The following DLGAP1 variants were observed in gnomAD, a reference collection of about 807,000 sequenced individuals.
The protein encoded by DLGAP1 is DLG associated protein 1, also known as disks large-associated protein 1.
Under a neutral mutation model 90.8 loss-of-function variants are expected in DLGAP1, and 11 were observed. That is an observed-to-expected ratio of 0.12 (90% CI 0.08 to 0.20). The LOEUF is 0.20. DLGAP1 is among the 10% of genes least tolerant of loss of function. DLGAP1 has a pLI of 1.00. For synonymous variants in DLGAP1, 558 were observed against 540.7 expected (o/e 1.03, Z -0.44); for missense variants, 1,050 against 1,333.8 (o/e 0.79, Z 3.31).
intron 4 of DLGAP1, among the ~76,000 whole-genome samples, chr18:3,834,602 G>A (rs2068264335): frequency 6.6e-6 from 1 of 152,110 alleles, no homozygotes; most frequent in African/African-American, 2.4e-5. Flanking sequence ...GTACATAGGT[G>A]AATGTGTACG....
At chr18:4,296,496 T>C (rs1193744770) in intron 1 of DLGAP1, among the ~76,000 whole-genome samples, 1 of 152,234 alleles carries the variant, frequency 6.6e-6, no homozygotes, top group African/African-American at 2.4e-5. Context: ...CCTGTATAAT[T>C]TGTTGAATTT....
chr18:3,705,878 C>A (rs9960638), intron 7 of DLGAP1, among the ~76,000 whole-genome samples: 1 of 150,200 alleles, frequency 6.7e-6, no homozygotes, highest in African/African-American at 2.5e-5. Flanking sequence ...AGGCTGGTCT[C>A]GAACTCCTGG....
intron 1 of DLGAP1, among the ~76,000 whole-genome samples, chr18:4,320,584 T>G (rs1169919379): frequency 6.6e-6 from 1 of 151,936 alleles, no homozygotes; most frequent in Admixed American, 6.6e-5. Flanking sequence ...TGTGCCTGAG[T>G]CCCCTCATTC....
intron 2 of DLGAP1, among the ~76,000 whole-genome samples, chr18:4,149,689 C>T (rs2076642043): frequency 6.6e-6 from 1 of 152,224 alleles, no homozygotes; most frequent in Non-Finnish European, 1.5e-5. Context: ...GGAGCATGAT[C>T]CCTGTTGTGA....
In DLGAP1 at chr18:3,569,388, AT is replaced by A. The variant is rs142577421; in HGVS notation, c.1966-1808del. Among the ~76,000 whole-genome samples, 64 of 151,738 alleles carry A rather than the reference AT, an allele frequency of 4.2e-4. 3 individuals carry two copies. In the East Asian group the frequency reaches 0.012, roughly 29 times the overall value. On this transcript the variant is annotated intron_variant, in intron 8 of 12. Coordinates refer to ENST00000315677, the MANE Select transcript of DLGAP1 (RefSeq NM_004746.4). ...CTCCTCCCTAATTAGGCTGTTTTTTATTTTCTTAATCATAGGATCTCTTTAT... is the reference window on the plus strand; with the variant it reads ...CTCCTCCCTAATTAGGCTGTTTTTTATTTCTTAATCATAGGATCTCTTTAT...
intron 1 of DLGAP1, among the ~76,000 whole-genome samples, chr18:4,181,673 C>T (rs2077209954): frequency 6.6e-6 from 1 of 151,982 alleles, no homozygotes; most frequent in Admixed American, 6.6e-5. Context: ...CTTTATTGTT[C>T]CTTTAAGTGT....
In DLGAP1 at chr18:3,660,801, C is replaced by T. The variant is rs9952159; in HGVS notation, c.1591+68334G>A. Among the ~76,000 whole-genome samples the T allele has an allele frequency of 0.25, 37,337 of 152,068 alleles. 4,755 individuals are homozygous for T. The highest frequency in any genetic ancestry group is 0.3 in the African/African-American group (12,532 of 41,476). ...TATTGGCTACTTGGAGACAAAATTA[C>T]GCCCTAAATGGACTTCAAGAAATAT... On this transcript the variant is annotated intron_variant, in intron 7 of 12. Transcript: ENST00000315677. This position sits in a 1 kb window ranked among gnomAD's most constrained non-coding sequence, Gnocchi z 4.2.
chr18:4,285,967 G>A (rs2079679546), intron 1 of DLGAP1, among the ~76,000 whole-genome samples: 1 of 152,148 alleles, frequency 6.6e-6, no homozygotes. Flanking sequence ...TTTTAAAGTA[G>A]CCTGGTCCCG....
At chr18:4,019,025 A>AT (rs1568354869) in intron 2 of DLGAP1, among the ~76,000 whole-genome samples, 1 of 152,202 alleles carries the variant, frequency 6.6e-6, no homozygotes, top group South Asian at 2.1e-4. Flanking sequence ...CATTGACTGA[A>AT]TTTTTTCAAA....
intron 10 of DLGAP1, among the ~76,000 whole-genome samples, chr18:3,519,636 G>A (rs2051054231): frequency 6.6e-6 from 1 of 152,166 alleles, no homozygotes; most frequent in Admixed American, 6.5e-5. Context: ...AGGTGATTAA[G>A]TCATGAGAGC....
chr18:4,224,503 T>A (rs1427903077), intron 1 of DLGAP1, among the ~76,000 whole-genome samples: 3 of 152,040 alleles, frequency 2.0e-5, no homozygotes, highest in African/African-American at 7.2e-5. Flanking sequence ...CTGACCACAT[T>A]TGCCATAAGC....
rs551709824 is a variant in DLGAP1 at position 4,133,035 on chromosome 18, G to C, written c.-159+18145C>G. Among the ~76,000 whole-genome samples the C allele has an allele frequency of 1.2e-4, 19 of 152,280 alleles. No individual in the cohort carries two copies. The South Asian group carries it at 3.7e-3, about 30-fold the overall frequency. On this transcript the variant is annotated intron_variant, in intron 2 of 12. Transcript: ENST00000315677. ...TTTCTTCATCTTTGAAATGGGGGTA[G>C]AACTGTTTCAGCAAGATTTTGTGAG...
chr18:3,656,113 C>G (rs1290592605), intron 7 of DLGAP1: 7 of 1,545,536 alleles, frequency 4.5e-6, no homozygotes, highest in Non-Finnish European at 6.1e-6. Context: ...TTTTATGACA[C>G]CTTGAATAAA....
chr18:4,356,655 G>C (rs2081522980), intron 1 of DLGAP1, among the ~76,000 whole-genome samples: 1 of 152,004 alleles, frequency 6.6e-6, no homozygotes, highest in African/African-American at 2.4e-5. Flanking sequence ...ATTATCTCTT[G>C]ACTGGATTCT....
intron 3 of DLGAP1, among the ~76,000 whole-genome samples, chr18:3,931,320 T>C (rs546561409): frequency 4.6e-5 from 7 of 152,234 alleles, no homozygotes; most frequent in African/African-American, 1.7e-4. Context: ...TGGTGGAAGC[T>C]GGGGAAGGAG....
At chr18:4,003,811 C>T (rs541480506) in intron 3 of DLGAP1, among the ~76,000 whole-genome samples, 3 of 152,230 alleles carry the variant, frequency 2.0e-5, no homozygotes, top group Admixed American at 6.5e-5. Flanking sequence ...AAAATAAAGG[C>T]GCTGTGTGCG....
chr18:4,242,976 A>G (rs1217642447), intron 1 of DLGAP1, among the ~76,000 whole-genome samples: 1 of 152,182 alleles, frequency 6.6e-6, no homozygotes, highest in East Asian at 1.9e-4. Flanking sequence ...CAAAGTGGCC[A>G]TGGAGCAGTC....
At chr18:4,233,543 C>T (rs1030527827) in intron 1 of DLGAP1, among the ~76,000 whole-genome samples, 3 of 152,112 alleles carry the variant, frequency 2.0e-5, no homozygotes, top group African/African-American at 4.8e-5. Context: ...TTGTTAACCT[C>T]GGCCTGGTTA....
At chr18:4,062,998 A>G (rs1256038765) in intron 2 of DLGAP1, among the ~76,000 whole-genome samples, 2 of 152,114 alleles carry the variant, frequency 1.3e-5, no homozygotes, top group Non-Finnish European at 2.9e-5. Context: ...AATACATTAT[A>G]TATATTCCTT....
Sources: allele counts gnomAD v4.1 joint callset (sites outside exome capture counted in the v4.1 genomes callset), GRCh38; gene constraint gnomAD v4.1.1; non-coding constraint Gnocchi (gnomAD v3.1); transcripts MANE v1.5; gene names NCBI Gene and HGNC (gene_info 2026-07-23, HGNC 2026-07-21).